The following CDH8 variants were observed in gnomAD, a reference collection of about 807,000 sequenced individuals.
CDH8 encodes the protein cadherin-8.
In CDH8, 17 loss-of-function variants were observed where a neutral mutation model predicts 68.1. The ratio of observed to expected loss-of-function variants is 0.25; its 90% CI spans 0.17 to 0.37. The LOEUF (loss-of-function observed/expected upper bound fraction) is 0.37, where lower values mean the gene tolerates loss of function less well. Ranked by LOEUF, CDH8 falls within the 10% of genes least tolerant of loss-of-function variation. The probability of loss-of-function intolerance (pLI) is 1.00; values close to 1 mark genes in which losing one functional copy is unlikely to be tolerated. For missense variants in CDH8, 763 were observed against 999.3 expected (o/e 0.76, Z 3.19); for synonymous variants, 372 against 365.1 (o/e 1.02, Z -0.21).
chr16:61,960,082 C>T (rs372225219), intron 2 of CDH8, among the ~76,000 whole-genome samples: 3 of 40,078 alleles, frequency 7.5e-5, no homozygotes, highest in Admixed American at 6.8e-4. Flanking sequence ...TACATATATA[C>T]ATATATGTGT....
At chr16:61,893,616 G>A (rs1963817725) in intron 3 of CDH8, among the ~76,000 whole-genome samples, 1 of 152,006 alleles carries the variant, frequency 6.6e-6, no homozygotes, top group South Asian at 2.1e-4. Flanking sequence ...TCTAGGGCTG[G>A]GCTAGAAAAA....
In CDH8 at chr16:61,648,551, G is replaced by C. The variant is rs1313431419; in HGVS notation, c.*5057C>G. On this transcript the variant is annotated 3_prime_UTR_variant, in exon 12 of 12. Transcript: ENST00000577390. ...AGATAACTGTTTAGTTGAAAGTTAAGGGGATTTAGTGTCAGATCAACCAAA... is the reference window on the plus strand; with the variant it reads ...AGATAACTGTTTAGTTGAAAGTTAACGGGATTTAGTGTCAGATCAACCAAA... 6.6e-6 allele frequency: 1 copy of C among 151,684 alleles called. No homozygotes were observed. Among genetic ancestry groups the C allele is most frequent in the East Asian group, 1.9e-4 (1 of 5,144 alleles). 9.4% of individuals were successfully genotyped at this position (151,684 alleles called of 1,614,324 possible).
At chr16:61,803,388 C>T (rs1961707912) in intron 7 of CDH8, among the ~76,000 whole-genome samples, 2 of 131,970 alleles carry the variant, frequency 1.5e-5, no homozygotes, top group South Asian at 2.5e-4. Flanking sequence ...ACCATCGAGA[C>T]TAGGAAGAAA....
At chr16:61,751,206 C>T (rs976923592) in intron 8 of CDH8, among the ~76,000 whole-genome samples, 3 of 151,490 alleles carry the variant, frequency 2.0e-5, no homozygotes, top group African/African-American at 7.3e-5. Context: ...TCATGTGTGC[C>T]TAACTCTAAA....
intron 2 of CDH8, among the ~76,000 whole-genome samples, chr16:62,010,285 C>T (rs533073248): frequency 6.6e-6 from 1 of 152,312 alleles, no homozygotes; most frequent in African/African-American, 2.4e-5. Flanking sequence ...ACCTTTGTTT[C>T]CTTCCATAAT....
intron 8 of CDH8, among the ~76,000 whole-genome samples, chr16:61,747,384 G>T (rs1235266420): frequency 6.6e-6 from 1 of 151,958 alleles, no homozygotes; most frequent in Non-Finnish European, 1.5e-5. Flanking sequence ...TAGCTAAAAT[G>T]ATGTGCTAGC....
At chr16:61,849,807 A>G (rs140456756) in intron 4 of CDH8, among the ~76,000 whole-genome samples, 45 of 152,252 alleles carry the variant, frequency 3.0e-4, no homozygotes, top group Non-Finnish European at 5.4e-4. Context: ...CCTACCAACA[A>G]TGCAAGAGCT....
intron 7 of CDH8, among the ~76,000 whole-genome samples, chr16:61,802,034 C>T (rs1377857229): frequency 1.4e-5 from 2 of 144,456 alleles, no homozygotes; most frequent in Admixed American, 6.8e-5. Context: ...AACAAAGAGA[C>T]AGCAGAAACC....
rs1901853302 is a variant in CDH8 at position 62,013,096 on chromosome 16, A to T, written c.252+8056T>A. ...GGTGAAACCCCGTCTCTACTAAAAA[A>T]TACAAAAAATTAGCCGGGCGCGGTG... On this transcript the variant is annotated intron_variant, in intron 2 of 11. Transcript: ENST00000577390. Among the ~76,000 whole-genome samples, 2 of 81,578 alleles carry T rather than the reference A, an allele frequency of 2.5e-5. 1 individual carries two copies. Among genetic ancestry groups the T allele is most frequent in the Non-Finnish European group, 5.2e-5 (2 of 38,480 alleles). 53.5% of individuals were successfully genotyped at this position (81,578 alleles called of 152,430 possible).
At chr16:61,828,870 G>A (rs1215221544) in intron 4 of CDH8, among the ~76,000 whole-genome samples, 1 of 151,828 alleles carries the variant, frequency 6.6e-6, no homozygotes, top group Admixed American at 6.6e-5. Flanking sequence ...GACATTCCAA[G>A]ATGATGTGAG....
chr16:61,884,663 T>A (rs1330015490), intron 3 of CDH8, among the ~76,000 whole-genome samples: 1 of 152,140 alleles, frequency 6.6e-6, no homozygotes, highest in African/African-American at 2.4e-5. Flanking sequence ...CGTGAGCCAC[T>A]GCACTTGGAC....
chr16:61,656,745 A>G (rs1487741061), intron 10 of CDH8, among the ~76,000 whole-genome samples: 2 of 152,206 alleles, frequency 1.3e-5, no homozygotes, highest in Non-Finnish European at 1.5e-5. Context: ...CAGTTAAGCA[A>G]TACTTAAGAA....
chr16:61,902,614 T>G (rs1015494293), intron 2 of CDH8, among the ~76,000 whole-genome samples: 2 of 146,332 alleles, frequency 1.4e-5, no homozygotes, highest in Admixed American at 1.4e-4. Context: ...GGAAAGAAAC[T>G]CCTAGAAATT....
At chr16:61,995,893 A>G (rs1268859641) in intron 2 of CDH8, among the ~76,000 whole-genome samples, 1 of 152,210 alleles carries the variant, frequency 6.6e-6, no homozygotes. Flanking sequence ...GATATAATCC[A>G]TCCACTCTTG....
intron 8 of CDH8, among the ~76,000 whole-genome samples, chr16:61,740,135 T>C (rs1007778386): frequency 2.6e-5 from 4 of 151,738 alleles, no homozygotes; most frequent in Admixed American, 2.6e-4. Flanking sequence ...CTCGATCTCC[T>C]GACCTCGTGG....
intron 2 of CDH8, among the ~76,000 whole-genome samples, chr16:61,959,551 T>G (rs1965045704): frequency 7.4e-6 from 1 of 134,774 alleles, no homozygotes. Context: ...TCTGTGTGTG[T>G]GTGTGTGTAT....
intron 7 of CDH8, among the ~76,000 whole-genome samples, chr16:61,800,809 C>T (rs1361641168): frequency 2.4e-5 from 3 of 127,540 alleles, no homozygotes; most frequent in Non-Finnish European, 4.8e-5. Context: ...AACATTAAGT[C>T]AAATCTGATT....
chr16:61,849,502 C>A (rs1962896568), intron 4 of CDH8, among the ~76,000 whole-genome samples: 2 of 152,066 alleles, frequency 1.3e-5, no homozygotes, highest in South Asian at 4.1e-4. Flanking sequence ...ACAGAATTAG[C>A]CACCCTTGCA....
chr16:61,669,992 A>C (rs1963758782), intron 10 of CDH8, among the ~76,000 whole-genome samples: 1 of 152,030 alleles, frequency 6.6e-6, no homozygotes, highest in Non-Finnish European at 1.5e-5. Context: ...CTTACCTATT[A>C]AGCAAGTGTG....
Sources: allele counts gnomAD v4.1 joint callset (sites outside exome capture counted in the v4.1 genomes callset), GRCh38; gene constraint gnomAD v4.1.1; transcripts MANE v1.5; gene names NCBI Gene and HGNC (gene_info 2026-07-23, HGNC 2026-07-21).